The following ABCA9 variants were observed in gnomAD, a reference collection of about 807,000 sequenced individuals.
ABCA9 encodes ATP binding cassette subfamily A member 9.
A neutral mutation model predicts 205.3 loss-of-function variants in ABCA9; 183 were observed. The ratio of observed to expected loss-of-function variants is 0.89; its 90% CI spans 0.79 to 1.01. The LOEUF is 1.01. Among genes scored for constraint, ABCA9 ranks in the 50% least tolerant of loss-of-function variants. The pLI, the probability that ABCA9 is intolerant of heterozygous loss-of-function variation, is 0.00. For missense variants in ABCA9, 1,805 were observed against 1,912.4 expected, an observed-to-expected ratio of 0.94 and a Z score of 1.05; for synonymous variants, 651 against 683.3, an observed-to-expected ratio of 0.95 and a Z score of 0.74.
At chr17:69,016,570 G>A (rs561988421) in intron 21 of ABCA9, among the ~76,000 whole-genome samples, 180 bp from the exon 22 acceptor site, 6 of 151,592 alleles carry the variant, frequency 4.0e-5, no homozygotes, top group African/African-American at 7.3e-5. Context: ...TAAAGAATCC[G>A]GTATTTTGGT....
the ABCA9 span, among the ~76,000 whole-genome samples, chr17:69,066,377 G>A: frequency 2.0e-5 from 3 of 152,084 alleles, no homozygotes; most frequent in African/African-American, 7.2e-5. Flanking sequence ...AAGAAAAAAA[G>A]TATCTTTTTT....
intron 25 of ABCA9, among the ~76,000 whole-genome samples, chr17:69,004,981 C>T (rs945240998): frequency 1.5e-4 from 23 of 152,072 alleles, no homozygotes; most frequent in African/African-American, 5.3e-4. Flanking sequence ...TGCTTCGGCT[C>T]GTGCATGGTG....
rs753261012 is a variant in ABCA9 at position 69,017,769 on chromosome 17, A to G, written c.2788T>C (p.Leu930=). The change falls in exon 21 of 39, where the codon TTA becomes CTA. Residue 930 remains leucine, a synonymous_variant. Transcript: ENST00000340001. ...ATGTTCTGTCGCCTCAGTGAATGTA[A>G]AAAGTTATCAATGGTTGACCCTACA... is the stretch of plus-strand genomic sequence containing the variant. The part of the protein sequence containing the change: ...NKTGSTIDNF[L]HSLRRQNIAI... 1 of 1,613,244 alleles carries G rather than the reference A, an allele frequency of 6.2e-7. No individual in the cohort carries two copies. The highest frequency in any genetic ancestry group is 8.5e-7 in the Non-Finnish European group (1 of 1,179,368).
chr17:68,999,192 C>T (rs373485244), intron 25 of ABCA9, among the ~76,000 whole-genome samples: 6,010 of 146,890 alleles, frequency 0.041, 151 homozygotes, highest in Admixed American at 0.068. Flanking sequence ...TAGTTACATA[C>T]GTATACATGT....
intron 8 of ABCA9, among the ~76,000 whole-genome samples, chr17:69,034,473 G>T (rs1007319972): frequency 6.6e-6 from 1 of 152,034 alleles, no homozygotes; most frequent in Non-Finnish European, 1.5e-5. Flanking sequence ...ACCCATCTTA[G>T]CCTCCCAAAG....
intron 11 of ABCA9, 132 bp from the exon 12 acceptor site, chr17:69,028,777 C>A (rs1295854338): frequency 1.0e-5 from 5 of 484,424 alleles, no homozygotes; most frequent in Non-Finnish European, 1.7e-5. Context: ...TCTTAAAATT[C>A]TTTCTTTTAA....
chr17:69,035,458 G>A (rs1369041879), intron 7 of ABCA9, 27 bp from the exon 8 acceptor site: 1 of 1,533,648 alleles, frequency 6.5e-7, no homozygotes, highest in South Asian at 1.3e-5. Flanking sequence ...ACTTCAGCTG[G>A]TATATAATTC....
At chr17:69,021,461 C>T (rs1173905684) in intron 18 of ABCA9, among the ~76,000 whole-genome samples, 1 of 152,026 alleles carries the variant, frequency 6.6e-6, no homozygotes, top group Non-Finnish European at 1.5e-5. Flanking sequence ...TTTCTTTTCT[C>T]TATAGCATGT....
chr17:68,982,769 C>A, intron 36 of ABCA9, 128 bp from the exon 37 acceptor site: 2 of 645,194 alleles, frequency 3.1e-6, no homozygotes, highest in Middle Eastern at 5.3e-4. Flanking sequence ...ATTTGGGAGG[C>A]CAAGAAGGGA....
chr17:69,077,570 C>A, the ABCA9 span, among the ~76,000 whole-genome samples: 2 of 152,122 alleles, frequency 1.3e-5, no homozygotes, highest in Non-Finnish European at 2.9e-5. Context: ...TAGTTTTCTA[C>A]CTCAGTGGTC....
chr17:68,993,879 T>A (rs928176486), intron 26 of ABCA9, among the ~76,000 whole-genome samples: 2 of 151,986 alleles, frequency 1.3e-5, no homozygotes, highest in African/African-American at 2.4e-5. Flanking sequence ...CTGCTGATAC[T>A]ATATTTTTTT....
the ABCA9 span, among the ~76,000 whole-genome samples, chr17:69,077,141 A>G: frequency 6.6e-6 from 1 of 152,096 alleles, no homozygotes; most frequent in African/African-American, 2.4e-5. Flanking sequence ...CGAAGTAGGT[A>G]TTTAGTGCTA....
rs1024137099 is a variant in ABCA9 at position 68,975,193 on chromosome 17, C to A, written c.*722G>T. On this transcript the variant is annotated 3_prime_UTR_variant, in exon 39 of 39. Transcript: ENST00000340001. ...GTGAAGAATATGAACTCATCCTTTT[C>A]TATGGCTGCATAGTATTCCATGGTG... 3 of 152,178 alleles carry A rather than the reference C, an allele frequency of 2.0e-5. No homozygotes were observed. Among genetic ancestry groups the A allele is most frequent in the Non-Finnish European group, 4.4e-5 (3 of 68,036 alleles). 9.4% of individuals were successfully genotyped at this position (152,178 alleles called of 1,614,324 possible). A position where few individuals can be genotyped will look rare whatever the true frequency, so the allele number is the denominator to read the frequency against.
At chr17:69,069,681 T>A in the ABCA9 span, among the ~76,000 whole-genome samples, 6 of 151,750 alleles carry the variant, frequency 4.0e-5, no homozygotes. Flanking sequence ...TGAAATAGTT[T>A]AGTTCTTTTT....
chr17:69,065,445 C>A (rs2072337413), upstream of ABCA9, among the ~76,000 whole-genome samples: 1 of 152,140 alleles, frequency 6.6e-6, no homozygotes, highest in South Asian at 2.1e-4. Flanking sequence ...TGACTGTGTC[C>A]TGATCTCTTT....
At chr17:69,044,225 T>G (rs771677885) in intron 5 of ABCA9, among the ~76,000 whole-genome samples, 1 of 152,040 alleles carries the variant, frequency 6.6e-6, no homozygotes, top group African/African-American at 2.4e-5. Flanking sequence ...AAGTTAAAAA[T>G]AAAAAATTCT....
intron 37 of ABCA9, 87 bp downstream of exon 37, chr17:68,982,475 T>C: frequency 1.0e-6 from 1 of 997,190 alleles, no homozygotes; most frequent in Non-Finnish European, 1.6e-6. Context: ...CATAATTCTA[T>C]GTTTATGTAT....
upstream of ABCA9, among the ~76,000 whole-genome samples, chr17:69,063,420 T>C (rs2072303507): frequency 6.6e-6 from 1 of 152,156 alleles, no homozygotes; most frequent in African/African-American, 2.4e-5. Context: ...CAGAAAAACC[T>C]GATCTGTAAA....
At chr17:69,044,655 A>C in intron 4 of ABCA9, 55 bp from the exon 5 acceptor site, 1 of 1,518,928 alleles carries the variant, frequency 6.6e-7, no homozygotes, top group Non-Finnish European at 9.0e-7. Context: ...TGGCTACAGA[A>C]AAAAACAAAA....
Sources: gnomAD v4.1 joint callset for allele counts (sites outside exome capture counted in the v4.1 genomes callset) on GRCh38, gnomAD v4.1.1 for gene constraint, MANE v1.5 for transcripts, NCBI Gene and HGNC (gene_info 2026-07-23, HGNC 2026-07-21) for gene names.